The following HS3ST5 variants were observed in gnomAD, a reference collection of about 807,000 sequenced individuals.
HS3ST5 encodes heparan sulfate glucosamine 3-O-sulfotransferase 5.
A neutral mutation model predicts 25.4 loss-of-function variants in HS3ST5; 10 were observed. The ratio of observed to expected loss-of-function variants is 0.39; its 90% CI spans 0.24 to 0.67. The LOEUF is 0.67. Among genes scored for constraint, HS3ST5 ranks in the 30% least tolerant of loss-of-function variants. The pLI is 0.44. For synonymous variants in HS3ST5, 170 were observed against 162.4 expected, an observed-to-expected ratio of 1.05 and a Z score of -0.36; for missense variants, 324 against 420.7, an observed-to-expected ratio of 0.77 and a Z score of 2.01.
chr6:114,191,755 C>T lies in HS3ST5; in HGVS notation c.-144-23293G>A, dbSNP rs539117677. 2.4e-4 allele frequency among the ~76,000 whole-genome samples: 36 copies of T among 152,244 alleles called. 2 individuals carry two copies. In the South Asian group the frequency reaches 7.3e-3, roughly 31 times the overall value. On this transcript the variant is annotated intron_variant, in intron 2 of 4. Transcript: ENST00000312719. ...TGAGGAAATGTTTGGCCCTGTCCAC[C>T]GTGGTCCTCCTGGCCCACCTCCACT...
intron 2 of HS3ST5, among the ~76,000 whole-genome samples, chr6:114,215,236 G>A (rs1306017050): frequency 6.6e-6 from 1 of 152,260 alleles, no homozygotes; most frequent in Admixed American, 6.5e-5. Flanking sequence ...AATCCGGGAG[G>A]CGGAGCTTCC....
intron 2 of HS3ST5, among the ~76,000 whole-genome samples, chr6:114,214,386 C>T (rs1234661633): frequency 6.6e-6 from 1 of 152,188 alleles, no homozygotes; most frequent in African/African-American, 2.4e-5. Context: ...GTCACATCTC[C>T]TTAGTCTCCT....
At chr6:114,108,998 A>G (rs1776127199) in intron 3 of HS3ST5, among the ~76,000 whole-genome samples, 1 of 152,066 alleles carries the variant, frequency 6.6e-6, no homozygotes, top group South Asian at 2.1e-4. Context: ...CCCCATCTCT[A>G]CCAAAAATAC....
At chr6:114,076,388 A>G (rs1471167234) in intron 3 of HS3ST5, among the ~76,000 whole-genome samples, 1 of 152,178 alleles carries the variant, frequency 6.6e-6, no homozygotes, top group Non-Finnish European at 1.5e-5. Context: ...GGAAGTAAAG[A>G]CAACTGCATT....
At chr6:114,226,923 G>A (rs1771326410) in intron 2 of HS3ST5, among the ~76,000 whole-genome samples, 1 of 151,786 alleles carries the variant, frequency 6.6e-6, no homozygotes, top group Non-Finnish European at 1.5e-5. Context: ...ATGAGTAAAG[G>A]TATGCTTCTC....
In HS3ST5 at chr6:114,058,021, C is replaced by A; in HGVS notation, c.277G>T (p.Ala93Ser). 6.2e-7 allele frequency: 1 copy of A among 1,614,164 alleles called. No homozygotes were observed. Among genetic ancestry groups the A allele is most frequent in the Non-Finnish European group, 8.5e-7 (1 of 1,180,030 alleles). ...CCTTTCCTCACCCCAATGATAATGG[C>A]CTTGGGGAGCTGCTGGACCAGGTCA... is the stretch of plus-strand genomic sequence containing the variant. ...LHDLVQQLPKAIIIGVRKGGT... is the reference protein window; with the variant it reads ...LHDLVQQLPKSIIIGVRKGGT... The change falls in exon 5 of 5, where the codon GCC becomes TCC. Residue 93 changes from alanine (A) to serine (S), a missense_variant. By Grantham distance (99) the Ala-to-Ser change is moderately conservative (BLOSUM62 1). Coordinates refer to ENST00000312719, the MANE Select transcript of HS3ST5 (RefSeq NM_153612.4).
intron 1 of HS3ST5, among the ~76,000 whole-genome samples, chr6:114,240,601 A>C (rs1324022644): frequency 6.6e-6 from 1 of 152,158 alleles, no homozygotes; most frequent in Non-Finnish European, 1.5e-5. Context: ...ACTGCAGTAG[A>C]TGCACAAATA....
At chr6:114,161,553 ATATATATATATATATATATAT>A (rs1562220935) in intron 3 of HS3ST5, among the ~76,000 whole-genome samples, 6 of 101,298 alleles carry the variant, frequency 5.9e-5, no homozygotes, top group African/African-American at 2.1e-4. Flanking sequence ...ATATATATAT[ATATATATATATATATATATAT>A]AAAATGCAAT....
chr6:114,192,213 A>G (rs1366202257), intron 2 of HS3ST5, among the ~76,000 whole-genome samples: 3 of 152,186 alleles, frequency 2.0e-5, no homozygotes, highest in African/African-American at 7.2e-5. Context: ...AATTATAATA[A>G]TTTTTGAAAG....
chr6:114,338,619 G>C (rs998969774), intron 1 of HS3ST5, among the ~76,000 whole-genome samples: 6 of 151,838 alleles, frequency 4.0e-5, no homozygotes, highest in Non-Finnish European at 8.8e-5. Flanking sequence ...CTTTTGATAA[G>C]GGTTAGCTAC....
intron 1 of HS3ST5, among the ~76,000 whole-genome samples, chr6:114,272,145 C>T (rs1316086091): frequency 6.6e-6 from 1 of 152,126 alleles, no homozygotes; most frequent in African/African-American, 2.4e-5. Flanking sequence ...GAGTCACCTT[C>T]TATTAACTCT....
chr6:114,152,229 T>C (rs1016289602), intron 3 of HS3ST5, among the ~76,000 whole-genome samples: 4 of 152,282 alleles, frequency 2.6e-5, no homozygotes, highest in Non-Finnish European at 5.9e-5. Flanking sequence ...GCCATAAATT[T>C]ATGTTTCTTA....
At chr6:114,339,495 C>T (rs1562280740) in intron 1 of HS3ST5, among the ~76,000 whole-genome samples, 3 of 152,122 alleles carry the variant, frequency 2.0e-5, no homozygotes, top group Non-Finnish European at 1.5e-5. Context: ...GTTACTGTTT[C>T]TGAGATTGTA....
At chr6:114,175,508 A>G (rs1225167110) in intron 2 of HS3ST5, among the ~76,000 whole-genome samples, 3 of 152,222 alleles carry the variant, frequency 2.0e-5, no homozygotes, top group African/African-American at 4.8e-5. Context: ...TCTGAAATAC[A>G]GTAAGCATTT....
chr6:114,166,377 C>T lies in HS3ST5; in HGVS notation c.-33+1974G>A, dbSNP rs146975944. 7.2e-5 allele frequency among the ~76,000 whole-genome samples: 11 copies of T among 152,264 alleles called. No homozygotes were observed. The East Asian group carries it at 2.1e-3, about 29-fold the overall frequency. On this transcript the variant is annotated intron_variant, in intron 3 of 4. Coordinates refer to ENST00000312719, the MANE Select transcript of HS3ST5 (RefSeq NM_153612.4). ...AGCAGCCAAGGAACTTTGCAAGTGACAAGAACAAGACTTAATGATTTTCTA... is the reference window on the plus strand; with the variant it reads ...AGCAGCCAAGGAACTTTGCAAGTGATAAGAACAAGACTTAATGATTTTCTA...
At chr6:114,290,487 T>C (rs766247983) in intron 1 of HS3ST5, among the ~76,000 whole-genome samples, 2 of 152,156 alleles carry the variant, frequency 1.3e-5, no homozygotes, top group African/African-American at 2.4e-5. Flanking sequence ...AAGATCATAC[T>C]AAAATTGGAG....
At chr6:114,199,885 T>C (rs1421604984) in intron 2 of HS3ST5, among the ~76,000 whole-genome samples, 3 of 152,186 alleles carry the variant, frequency 2.0e-5, no homozygotes, top group African/African-American at 7.2e-5. Context: ...ATGGGCACCT[T>C]GCTCCAATTT....
intron 2 of HS3ST5, among the ~76,000 whole-genome samples, chr6:114,197,886 G>C (rs73767066): frequency 7.0e-4 from 106 of 152,234 alleles, no homozygotes; most frequent in African/African-American, 2.5e-3. Flanking sequence ...AAAAGTCAGA[G>C]TGTTTTGTTA....
At chr6:114,137,976 A>G (rs1777713069) in intron 3 of HS3ST5, among the ~76,000 whole-genome samples, 1 of 152,176 alleles carries the variant, frequency 6.6e-6, no homozygotes, top group African/African-American at 2.4e-5. Context: ...AATCCCTGTT[A>G]TGAGCTAGGT....
Sources: allele counts gnomAD v4.1 joint callset (sites outside exome capture counted in the v4.1 genomes callset), GRCh38; gene constraint gnomAD v4.1.1; transcripts MANE v1.5; gene names NCBI Gene and HGNC (gene_info 2026-07-23, HGNC 2026-07-21).